The following NCALD variants were observed in gnomAD, a reference collection of about 807,000 sequenced individuals.
NCALD encodes the protein neurocalcin-delta.
Under a neutral mutation model 18.6 loss-of-function variants are expected in NCALD, and 10 were observed. The ratio of observed to expected loss-of-function variants is 0.54; its 90% CI spans 0.33 to 0.91. NCALD has a LOEUF of 0.91. Among genes scored for constraint, NCALD ranks in the 40% least tolerant of loss-of-function variants. The pLI is 0.03. For missense variants in NCALD, 184 were observed against 247.6 expected (o/e 0.74, Z 1.72); for synonymous variants, 88 against 87.4 (o/e 1.01, Z -0.04).
chr8:101,885,548 G>A (rs1306514436), intron 4 of NCALD, among the ~76,000 whole-genome samples: 4 of 152,206 alleles, frequency 2.6e-5, no homozygotes, highest in African/African-American at 9.6e-5. Flanking sequence ...GAGCTTTTCT[G>A]TCAATTTCTC....
intron 1 of NCALD, among the ~76,000 whole-genome samples, chr8:102,043,278 C>T (rs1823116967): frequency 6.6e-6 from 1 of 151,988 alleles, no homozygotes; most frequent in Non-Finnish European, 1.5e-5. Flanking sequence ...GCTTTGGAAA[C>T]TCTTCTTTAG....
chr8:101,935,692 G>A (rs1818735227), intron 2 of NCALD, among the ~76,000 whole-genome samples: 1 of 151,972 alleles, frequency 6.6e-6, no homozygotes, highest in South Asian at 2.1e-4. Flanking sequence ...GAGAAAGTGG[G>A]GAGAGGAAGT....
At chr8:101,855,677 T>C (rs1371943180) in intron 4 of NCALD, among the ~76,000 whole-genome samples, 12 of 152,084 alleles carry the variant, frequency 7.9e-5, no homozygotes, top group East Asian at 3.9e-4. Flanking sequence ...GGGCCTCAGA[T>C]GGAAGGTAGA....
chr8:101,901,324 A>T lies in NCALD; in HGVS notation c.-106-14097T>A, dbSNP rs538574196. On this transcript the variant is annotated intron_variant, in intron 3 of 6. Coordinates refer to the NCALD transcript ENST00000311028. ...AAAAAAAAAATCCATTATGTCAATC[A>T]TCTTTCATTTGTATATTTTCGCCAC... is the stretch of plus-strand genomic sequence containing the variant. Among the ~76,000 whole-genome samples, 23 of 151,636 alleles carry T rather than the reference A, an allele frequency of 1.5e-4. No individual in the cohort carries two copies. The South Asian group carries it at 4.8e-3, about 32-fold the overall frequency.
chr8:101,821,190 T>C (rs1285031808), intron 4 of NCALD, among the ~76,000 whole-genome samples: 1 of 152,224 alleles, frequency 6.6e-6, no homozygotes, highest in Admixed American at 6.5e-5. Flanking sequence ...TATATATAGA[T>C]GGTCTCTTAT....
chr8:101,934,589 G>A (rs1236515401), intron 2 of NCALD, among the ~76,000 whole-genome samples: 1 of 152,104 alleles, frequency 6.6e-6, no homozygotes, highest in Non-Finnish European at 1.5e-5. Context: ...TCAGGAAGGA[G>A]GGAGTTCAGT....
intron 2 of NCALD, among the ~76,000 whole-genome samples, chr8:101,986,778 A>G (rs1217209815): frequency 6.6e-6 from 1 of 152,270 alleles, no homozygotes; most frequent in Non-Finnish European, 1.5e-5. Context: ...CTAAATAATT[A>G]TAGCAAATGG....
At chr8:101,734,867 T>G (rs771939310) in intron 1 of NCALD, among the ~76,000 whole-genome samples, 2 of 152,260 alleles carry the variant, frequency 1.3e-5, no homozygotes, top group Non-Finnish European at 2.9e-5. Context: ...TGATGTTCCT[T>G]AAGCAGAATC....
chr8:101,988,175 A>AAAAG (rs1563513536), intron 2 of NCALD, among the ~76,000 whole-genome samples: 10 of 149,622 alleles, frequency 6.7e-5, no homozygotes, highest in South Asian at 2.1e-4. Context: ...AAAGAAAAAA[A>AAAAG]AAAAGAAAAG....
intron 2 of NCALD, among the ~76,000 whole-genome samples, chr8:102,003,789 C>T (rs920287335): frequency 6.6e-5 from 10 of 152,198 alleles, no homozygotes; most frequent in Admixed American, 1.3e-4. Flanking sequence ...ACATGATTAT[C>T]TCAATAGATG....
chr8:102,114,146 T>A (rs1245844589), intron 1 of NCALD, among the ~76,000 whole-genome samples: 1 of 152,206 alleles, frequency 6.6e-6, no homozygotes, highest in Non-Finnish European at 1.5e-5. Context: ...ATTTTATGGA[T>A]GAGATGACTT....
intron 2 of NCALD, among the ~76,000 whole-genome samples, chr8:101,703,482 GA>G (rs1398163778): frequency 6.6e-6 from 1 of 152,124 alleles, no homozygotes; most frequent in Non-Finnish European, 1.5e-5. Context: ...CACAGGGATT[GA>G]ATCTATCCCC....
At chr8:102,022,829 A>G (rs1019331927) in intron 1 of NCALD, among the ~76,000 whole-genome samples, 1 of 152,104 alleles carries the variant, frequency 6.6e-6, no homozygotes, top group Non-Finnish European at 1.5e-5. Flanking sequence ...CCCGAGAAAG[A>G]GGCTTCCAGT....
At chr8:101,801,901 C>T (rs1219684458) in intron 4 of NCALD, among the ~76,000 whole-genome samples, 5 of 151,798 alleles carry the variant, frequency 3.3e-5, no homozygotes, top group South Asian at 2.1e-4. Context: ...CTCCTGACCT[C>T]GTGATCCGCC....
intron 2 of NCALD, among the ~76,000 whole-genome samples, chr8:101,944,461 T>G (rs1819090193): frequency 6.6e-6 from 1 of 152,236 alleles, no homozygotes; most frequent in Non-Finnish European, 1.5e-5. Context: ...CCTGCTCGAC[T>G]GGAGTATGTG....
At chr8:101,952,872 C>T (rs1033622850) in intron 2 of NCALD, among the ~76,000 whole-genome samples, 1 of 152,002 alleles carries the variant, frequency 6.6e-6, no homozygotes, top group Non-Finnish European at 1.5e-5. Flanking sequence ...GCCTGTGTGG[C>T]CACAAATGCA....
intron 2 of NCALD, among the ~76,000 whole-genome samples, chr8:101,988,175 A>AAAAAAAAAG (rs1563513543): frequency 6.7e-6 from 1 of 149,624 alleles, no homozygotes; most frequent in Non-Finnish European, 1.5e-5. Flanking sequence ...AAAGAAAAAA[A>AAAAAAAAAG]AAAAGAAAAG....
At chr8:101,820,266 C>G in intron 4 of NCALD, among the ~76,000 whole-genome samples, 1 of 152,094 alleles carries the variant, frequency 6.6e-6, no homozygotes, top group Non-Finnish European at 1.5e-5. Flanking sequence ...ATTTTTAAAC[C>G]AGGGACTTTG....
rs12114203 is a variant in NCALD, at chr8:101,968,228, G to C, written c.-157+52009C>G. Among the ~76,000 whole-genome samples, 1,290 of 151,630 alleles carry C rather than the reference G, an allele frequency of 8.5e-3. 14 individuals carry two copies. Among genetic ancestry groups the C allele is most frequent in the African/African-American group, 0.024 (1,000 of 41,286 alleles). The stretch of plus-strand genomic sequence containing the variant: ...GAGGCTACTCAAGTGGGTCTTCCCA[G>C]AATAAAGAAGTTTTGCTCCAAGGTG... On this transcript the variant is annotated intron_variant, in intron 2 of 6. Transcript: ENST00000311028.
Sources: gnomAD v4.1 joint callset for allele counts (sites outside exome capture counted in the v4.1 genomes callset) on GRCh38, gnomAD v4.1.1 for gene constraint, MANE v1.5 for transcripts, NCBI Gene and HGNC (gene_info 2026-07-23, HGNC 2026-07-21) for gene names.